The following KCNH7 variants were observed in gnomAD, a reference collection of about 807,000 sequenced individuals.
The protein encoded by KCNH7 is potassium voltage-gated channel subfamily H member 7.
KCNH7 carries 49 observed loss-of-function variants against 120.8 expected under a neutral mutation model. The observed-to-expected ratio is 0.41, with a 90% confidence interval of 0.32 to 0.51. The LOEUF (loss-of-function observed/expected upper bound fraction) is 0.51, where lower values mean the gene tolerates loss of function less well. Ranked by LOEUF, KCNH7 falls within the 20% of genes least tolerant of loss-of-function variation. The pLI is 0.38. For missense variants in KCNH7, 1,097 were observed against 1,446.6 expected, an observed-to-expected ratio of 0.76 and a Z score of 3.92; for synonymous variants, 547 against 516.1, an observed-to-expected ratio of 1.06 and a Z score of -0.81.
At chr2:162,411,650 G>A (rs1407115223) in intron 9 of KCNH7, among the ~76,000 whole-genome samples, 2 of 151,762 alleles carry the variant, frequency 1.3e-5, no homozygotes, top group Admixed American at 1.3e-4. Flanking sequence ...AAAAATCTAC[G>A]ATCAAGTAGG....
In KCNH7 at chr2:162,552,114, TAGA is replaced by T. The variant is rs1401302483; in HGVS notation, c.308-15037_308-15035del. 4.6e-5 allele frequency among the ~76,000 whole-genome samples: 7 copies of T among 152,316 alleles called. No homozygotes were observed. The East Asian group carries it at 1.4e-3, about 29-fold the overall frequency. ...GTGGTAAGAATGTTAATACACTCAT[TAGA>T]CAATGATGATGTTCTAGAGGGTAGC... On this transcript the variant is annotated intron_variant, in intron 2 of 15. Transcript: ENST00000332142.
At position 162,447,574 on chromosome 2, in the gene KCNH7, G is replaced by C. The variant is rs575111152; in HGVS notation, c.1129-1131C>G. 5.2e-4 allele frequency among the ~76,000 whole-genome samples: 79 copies of C among 152,176 alleles called. 1 individual carries two copies. The highest frequency in any genetic ancestry group is 9.4e-4 in the Non-Finnish European group (64 of 67,994). Reference sequence around the variant, plus strand: ...TCTATTTCAAAGTTAATTTCACTGAGTACATTTCCATAGACTAGATTGTTC... The same window carrying C: ...TCTATTTCAAAGTTAATTTCACTGACTACATTTCCATAGACTAGATTGTTC... On this transcript the variant is annotated intron_variant, in intron 6 of 15. Transcript: ENST00000332142.
intron 2 of KCNH7, among the ~76,000 whole-genome samples, chr2:162,816,817 A>G (rs1684930732): frequency 1.3e-5 from 2 of 152,196 alleles, no homozygotes; most frequent in South Asian, 2.1e-4. Flanking sequence ...CCTGTCTACT[A>G]TATCAGGATA....
At chr2:162,469,307 A>T (rs576650611) in intron 6 of KCNH7, among the ~76,000 whole-genome samples, 5 of 152,358 alleles carry the variant, frequency 3.3e-5, no homozygotes, top group African/African-American at 1.2e-4. Flanking sequence ...CACTTCAGTA[A>T]ACACCAATTG....
chr2:162,484,525 G>A (rs1398107273), intron 6 of KCNH7, among the ~76,000 whole-genome samples: 1 of 152,050 alleles, frequency 6.6e-6, no homozygotes, highest in Non-Finnish European at 1.5e-5. Flanking sequence ...CAATAAGTCA[G>A]GATGCATCCT....
At chr2:162,643,450 T>G (rs1684236200) in intron 2 of KCNH7, among the ~76,000 whole-genome samples, 1 of 151,820 alleles carries the variant, frequency 6.6e-6, no homozygotes, top group South Asian at 2.1e-4. Context: ...TTGTGAAAAT[T>G]TATAGCTGAA....
At chr2:162,526,978 G>A (rs903348288) in intron 3 of KCNH7, among the ~76,000 whole-genome samples, 18 of 152,146 alleles carry the variant, frequency 1.2e-4, no homozygotes, top group Admixed American at 1.0e-3. Flanking sequence ...ACTAATAAAT[G>A]TCCATGAAAT....
intron 3 of KCNH7, among the ~76,000 whole-genome samples, chr2:162,535,163 G>A (rs764473023): frequency 2.0e-5 from 3 of 151,578 alleles, no homozygotes; most frequent in Non-Finnish European, 3.0e-5. Context: ...AAAGGCACTC[G>A]CACAACAATC....
At chr2:162,814,256 C>T (rs1376083054) in intron 2 of KCNH7, among the ~76,000 whole-genome samples, 1 of 152,182 alleles carries the variant, frequency 6.6e-6, no homozygotes, top group Non-Finnish European at 1.5e-5. Context: ...TCCATTGGCA[C>T]ACTTCCTAGA....
At chr2:162,446,496 G>A in intron 6 of KCNH7, 53 bp from the exon 7 acceptor site, 12 of 1,307,570 alleles carry the variant, frequency 9.2e-6, no homozygotes, top group South Asian at 1.5e-5. Context: ...TTTTTAATCT[G>A]GTAAACCTAT....
intron 2 of KCNH7, among the ~76,000 whole-genome samples, chr2:162,597,362 C>A (rs967593330): frequency 6.6e-6 from 1 of 151,968 alleles, no homozygotes; most frequent in African/African-American, 2.4e-5. Context: ...CAGCCCTAAA[C>A]AGAAACAAAA....
intron 4 of KCNH7, among the ~76,000 whole-genome samples, chr2:162,516,159 C>T (rs1338418351): frequency 6.6e-6 from 1 of 151,738 alleles, no homozygotes; most frequent in East Asian, 2.0e-4. Context: ...GTGCAGAGCT[C>T]ACTATGCCAG....
chr2:162,633,841 A>G (rs1183903729), intron 2 of KCNH7, among the ~76,000 whole-genome samples: 2 of 152,056 alleles, frequency 1.3e-5, no homozygotes, highest in Non-Finnish European at 1.5e-5. Flanking sequence ...AAAATTTCCT[A>G]GAAATTCTCC....
At chr2:162,469,460 T>C (rs1326732904) in intron 6 of KCNH7, among the ~76,000 whole-genome samples, 3 of 152,212 alleles carry the variant, frequency 2.0e-5, no homozygotes, top group Admixed American at 6.5e-5. Flanking sequence ...AATTGACTAC[T>C]GTGGGCCATC....
chr2:162,810,705 T>C (rs1573916677), intron 2 of KCNH7, among the ~76,000 whole-genome samples: 1 of 152,178 alleles, frequency 6.6e-6, no homozygotes, highest in Non-Finnish European at 1.5e-5. Context: ...AATTTTAAAA[T>C]GCTTAACAGA....
At chr2:162,604,605 G>A (rs372649182) in intron 2 of KCNH7, among the ~76,000 whole-genome samples, 6 of 151,798 alleles carry the variant, frequency 4.0e-5, no homozygotes, top group Non-Finnish European at 8.8e-5. Context: ...TCTAAATCTC[G>A]CCCTCCTTTC....
chr2:162,632,388 A>T (rs1482109251), intron 2 of KCNH7, among the ~76,000 whole-genome samples: 1 of 151,964 alleles, frequency 6.6e-6, no homozygotes, highest in Non-Finnish European at 1.5e-5. Flanking sequence ...TTATAGAAGT[A>T]TATCAAATTT....
At chr2:162,679,762 G>T (rs1685651611) in intron 2 of KCNH7, among the ~76,000 whole-genome samples, 1 of 151,592 alleles carries the variant, frequency 6.6e-6, no homozygotes, top group Non-Finnish European at 1.5e-5. Flanking sequence ...TCAGCTTTGT[G>T]TTAATTAATG....
chr2:162,655,457 C>T (rs1362494412), intron 2 of KCNH7, among the ~76,000 whole-genome samples: 1 of 152,122 alleles, frequency 6.6e-6, no homozygotes, highest in African/African-American at 2.4e-5. Context: ...AAAGCTTCAT[C>T]TGCAAAATGA....
Sources: gnomAD v4.1 joint callset for allele counts (sites outside exome capture counted in the v4.1 genomes callset) on GRCh38, gnomAD v4.1.1 for gene constraint, MANE v1.5 for transcripts, NCBI Gene and HGNC (gene_info 2026-07-23, HGNC 2026-07-21) for gene names.